ITM2B: variants seen among roughly 807,000 people sequenced by gnomAD.
ITM2B encodes the protein ABri/ADan amyloid peptide.
A neutral mutation model predicts 27.8 loss-of-function variants in ITM2B; 11 were observed. The observed-to-expected ratio is 0.40, with a 90% CI of 0.25 to 0.66. The LOEUF (loss-of-function observed/expected upper bound fraction) is 0.66, where lower values mean the gene tolerates loss of function less well. Among genes scored for constraint, ITM2B ranks in the 30% least tolerant of loss-of-function variants. The pLI is 0.43. For missense variants in ITM2B, 296 were observed against 328.9 expected (o/e 0.90, Z 0.77); for synonymous variants, 114 against 114.3 (o/e 1.00, Z 0.02).
At chr13:48,254,188 G>A (rs907119557) in intron 2 of ITM2B, among the ~76,000 whole-genome samples, 1 of 152,096 alleles carries the variant, frequency 6.6e-6, no homozygotes, top group Non-Finnish European at 1.5e-5. Flanking sequence ...TTAGGTCATT[G>A]GGTGATTTTA....
intron 1 of ITM2B, among the ~76,000 whole-genome samples, chr13:48,235,497 T>C (rs1013303296): frequency 6.6e-6 from 1 of 152,230 alleles, no homozygotes; most frequent in Non-Finnish European, 1.5e-5. Context: ...AAGACTTCTT[T>C]AGGGGATGAC....
At chr13:48,259,700 T>C (rs894142143) in intron 5 of ITM2B, among the ~76,000 whole-genome samples, 21 of 151,728 alleles carry the variant, frequency 1.4e-4, no homozygotes, top group Admixed American at 1.2e-3. Context: ...TGATTTCTTT[T>C]TTTTTTTTTT....
At chr13:48,256,116 T>G in intron 2 of ITM2B, 61 bp from the exon 3 acceptor site, 1 of 1,226,096 alleles carries the variant, frequency 8.2e-7, no homozygotes, top group Non-Finnish European at 1.2e-6. Flanking sequence ...GCTTAAGTAA[T>G]GCTTATTTAA....
At chr13:48,246,476 C>T (rs780658318) in intron 1 of ITM2B, among the ~76,000 whole-genome samples, 3 of 152,226 alleles carry the variant, frequency 2.0e-5, no homozygotes, top group Admixed American at 6.5e-5. Context: ...GTTAACTTCT[C>T]AGCCAGAGAT....
chr13:48,241,228 G>A (rs959464796), intron 1 of ITM2B, among the ~76,000 whole-genome samples: 3 of 152,018 alleles, frequency 2.0e-5, no homozygotes, highest in Admixed American at 6.5e-5. Context: ...GTGGTGCGGC[G>A]GGCAGCAGAG....
chr13:48,268,270 T>TTGTG lies in ITM2B; in HGVS notation c.*7059_*7062dup. On this transcript the variant is annotated 3_prime_UTR_variant, in exon 6 of 6. Transcript: ENST00000647800. ...GTGTAGTAGTCCATTTCTTTTGGTT[T>TTGTG]TGTGTGTGTGTGTGTGCTTTTTAAA... 1 of 151,626 alleles carries TTGTG rather than the reference T, an allele frequency of 6.6e-6. No homozygotes were observed. The highest frequency in any genetic ancestry group is 2.1e-4 in the South Asian group (1 of 4,796). The allele number at this position is 151,626 out of a possible 1,614,324, so 9.4% of individuals were successfully genotyped here.
In ITM2B at chr13:48,253,919, A is replaced by G. The variant is rs1249159990; in HGVS notation, c.229A>G (p.Lys77Glu). 6.2e-7 allele frequency: 1 copy of G among 1,613,724 alleles called. No homozygotes were observed. Among genetic ancestry groups the G allele is most frequent in the South Asian group, 1.1e-5 (1 of 91,072 alleles). The part of the protein sequence containing the change: ...GVILGGAYLY[K>E]YFALQPDDVY... ...TATTCTAGGAGGAGCATACTTGTACAAATATTTTGCACTTCAAGTAAGTGG... is the reference window on the plus strand; with the variant it reads ...TATTCTAGGAGGAGCATACTTGTACGAATATTTTGCACTTCAAGTAAGTGG... The change falls in exon 2 of 6, where the codon AAA becomes GAA. Residue 77 changes from lysine (K) to glutamate (E), a missense_variant. Transcript: ENST00000647800.
At chr13:48,254,693 A>G (rs1444676319) in intron 2 of ITM2B, among the ~76,000 whole-genome samples, 1 of 152,110 alleles carries the variant, frequency 6.6e-6, no homozygotes, top group Non-Finnish European at 1.5e-5. Flanking sequence ...AATTTAACTA[A>G]TTTTGAAACA....
rs1951850006 is a variant in ITM2B at position 48,265,838 on chromosome 13, G to A, written c.*4614G>A. 1 of 152,132 alleles carries A rather than the reference G, an allele frequency of 6.6e-6. No homozygotes were observed. The highest frequency in any genetic ancestry group is 1.5e-5 in the Non-Finnish European group (1 of 68,024). The allele number at this position is 152,132 out of a possible 1,614,324, so 9.4% of individuals were successfully genotyped here. A position where few individuals can be genotyped will look rare whatever the true frequency, so the allele number is the denominator to read the frequency against. Reference sequence around the variant, plus strand: ...AAGATTTTCCTGAACCATTAGGAAAGGCTTCTCTTGTTTCTCAGTCTCATA... The same window carrying A: ...AAGATTTTCCTGAACCATTAGGAAAAGCTTCTCTTGTTTCTCAGTCTCATA... On this transcript the variant is annotated 3_prime_UTR_variant, in exon 6 of 6. Transcript: ENST00000647800.
chr13:48,256,163 T>C lies in ITM2B; in HGVS notation c.247-14T>C, dbSNP rs1242530009. ...ATGCTGAATTGCTGAAATGAGTCTTTAAACTCTCTATAGCCAGATGACGTG... is the reference window on the plus strand; with the variant it reads ...ATGCTGAATTGCTGAAATGAGTCTTCAAACTCTCTATAGCCAGATGACGTG... On this transcript the variant is annotated splice_polypyrimidine_tract_variant and intron_variant, in intron 2 of 5. Coordinates refer to ENST00000647800, the MANE Select transcript of ITM2B (RefSeq NM_021999.5). The C allele has an allele frequency of 1.3e-6, 2 of 1,597,368 alleles. No homozygotes were observed. The highest frequency in any genetic ancestry group is 3.3e-5 in the Admixed American group (2 of 60,002).
At position 48,266,821 on chromosome 13, in the gene ITM2B, A is replaced by C. The variant is rs1268597028; in HGVS notation, c.*5597A>C. On this transcript the variant is annotated 3_prime_UTR_variant, in exon 6 of 6. Coordinates refer to ENST00000647800, the MANE Select transcript of ITM2B (RefSeq NM_021999.5). The stretch of plus-strand genomic sequence containing the variant: ...CTGTGGGGGCCATATTAAGATTTTC[A>C]TATGACAGAAGTGTATATATATCCA... 1 of 152,168 alleles carries C rather than the reference A, an allele frequency of 6.6e-6. No individual in the cohort carries two copies. Among genetic ancestry groups the C allele is most frequent in the Non-Finnish European group, 1.5e-5 (1 of 68,034 alleles). The allele number at this position is 152,168 out of a possible 1,614,324, so 9.4% of individuals were successfully genotyped here.
intron 1 of ITM2B, among the ~76,000 whole-genome samples, chr13:48,239,946 C>T (rs1951690254): frequency 6.6e-6 from 1 of 152,040 alleles, no homozygotes; most frequent in East Asian, 1.9e-4. Flanking sequence ...CCTTTTTGCC[C>T]AGTACCCTCA....
intron 2 of ITM2B, among the ~76,000 whole-genome samples, chr13:48,255,269 G>C (rs1352918695): frequency 3.3e-5 from 5 of 151,532 alleles, no homozygotes; most frequent in Non-Finnish European, 7.4e-5. Context: ...GCGCGTGTGC[G>C]TGCGCGCACG....
Position 48,268,745 on chromosome 13 carries a change from TA to T in ITM2B, c.*7526del, listed in dbSNP as rs1951867742. ...AAGTCTTTGTAGATAGCTCATGTTT[TA>T]AAAAGTGTTTGTTTAATGATTTCAT... On this transcript the variant is annotated 3_prime_UTR_variant, in exon 6 of 6. Transcript: ENST00000647800. The T allele has an allele frequency of 6.6e-6, 1 of 152,236 alleles. No homozygotes were observed. The highest frequency in any genetic ancestry group is 1.5e-5 in the Non-Finnish European group (1 of 68,044). 9.4% of individuals were successfully genotyped at this position (152,236 alleles called of 1,614,324 possible).
chr13:48,264,158 A>G lies in ITM2B; in HGVS notation c.*2934A>G, dbSNP rs1386594864. On this transcript the variant is annotated 3_prime_UTR_variant, in exon 6 of 6. Coordinates refer to ENST00000647800, the MANE Select transcript of ITM2B (RefSeq NM_021999.5). ...CTGGCTTAAGAGGTGGCTGAGAATT[A>G]AAATAATAGGCATGAAAATGCTTCA... 6.6e-6 allele frequency: 1 copy of G among 152,186 alleles called. No homozygotes were observed. The highest frequency in any genetic ancestry group is 6.5e-5 in the Admixed American group (1 of 15,268). The allele number at this position is 152,186 out of a possible 1,614,324, so 9.4% of individuals were successfully genotyped here.
At position 48,263,324 on chromosome 13, in the gene ITM2B, C is replaced by G. The variant is rs946996807; in HGVS notation, c.*2100C>G. ...GTAGAGAGTACCCCTCTCACCTAAGCTTAGTCATGTCCCAGGAATTTTGGA... is the reference window on the plus strand; with the variant it reads ...GTAGAGAGTACCCCTCTCACCTAAGGTTAGTCATGTCCCAGGAATTTTGGA... On this transcript the variant is annotated 3_prime_UTR_variant, in exon 6 of 6. Transcript: ENST00000647800. 1.3e-5 allele frequency: 2 copies of G among 152,090 alleles called. No homozygotes were observed. The highest frequency in any genetic ancestry group is 2.9e-5 in the Non-Finnish European group (2 of 68,014). 9.4% of individuals were successfully genotyped at this position (152,090 alleles called of 1,614,324 possible). A position where few individuals can be genotyped will look rare whatever the true frequency, so the allele number is the denominator to read the frequency against.
chr13:48,256,581 C>A (rs912179699), intron 3 of ITM2B, among the ~76,000 whole-genome samples, 198 bp downstream of exon 3: 11 of 152,188 alleles, frequency 7.2e-5, no homozygotes, highest in African/African-American at 2.7e-4. Context: ...CTTCCCCTTG[C>A]CTTACCTACT....
intron 5 of ITM2B, 126 bp from the exon 6 acceptor site, chr13:48,261,013 T>C (rs536107843): frequency 1.9e-5 from 13 of 682,324 alleles, no homozygotes; most frequent in Non-Finnish European, 3.1e-5. Context: ...ACATTCAAAC[T>C]GTAGAAGTTT....
chr13:48,236,893 C>G (rs1483138507), intron 1 of ITM2B, among the ~76,000 whole-genome samples: 4 of 152,226 alleles, frequency 2.6e-5, no homozygotes, highest in African/African-American at 9.6e-5. Context: ...TGTAGATATT[C>G]TTTAAAAGGA....
Sources: gnomAD v4.1 joint callset for allele counts (sites outside exome capture counted in the v4.1 genomes callset) on GRCh38, gnomAD v4.1.1 for gene constraint, MANE v1.5 for transcripts, NCBI Gene and HGNC (gene_info 2026-07-23, HGNC 2026-07-21) for gene names.